Variants in EPB41L2 observed in about 807,000 individuals in gnomAD.
EPB41L2 encodes the protein band 4.1-like protein 2.
Under a neutral mutation model 113.0 loss-of-function variants are expected in EPB41L2, and 43 were observed. The ratio of observed to expected loss-of-function variants is 0.38; its 90% confidence interval spans 0.30 to 0.49. The LOEUF (loss-of-function observed/expected upper bound fraction) is 0.49. EPB41L2 is among the 20% of genes least tolerant of loss of function. The pLI is 0.95. For synonymous variants in EPB41L2, 442 were observed against 436.7 expected, an observed-to-expected ratio of 1.01 and a Z score of -0.15; for missense variants, 1,147 against 1,223.4, an observed-to-expected ratio of 0.94 and a Z score of 0.93.
intron 17 of EPB41L2, 60 bp from the exon 18 acceptor site, chr6:130,863,778 C>A: frequency 1.8e-6 from 2 of 1,137,536 alleles, no homozygotes; most frequent in South Asian, 2.6e-5. Context: ...TTTACACAGT[C>A]AGAGCAAACA....
At chr6:130,938,587 G>A (rs768778782) in intron 3 of EPB41L2, among the ~76,000 whole-genome samples, 7 of 152,094 alleles carry the variant, frequency 4.6e-5, no homozygotes, top group East Asian at 1.9e-4. Flanking sequence ...GCCCTGAACC[G>A]TGCCTTTCAA....
chr6:130,954,031 C>CTTTTTTTTTTTTTTTTTT, intron 3 of EPB41L2, among the ~76,000 whole-genome samples: 1 of 89,102 alleles, frequency 1.1e-5, no homozygotes, highest in African/African-American at 3.7e-5. Context: ...TTTGCTAGTC[C>CTTTTTTTTTTTTTTTTTT]TTTTCTTTCT....
chr6:130,925,797 A>C (rs1483988680), intron 4 of EPB41L2, among the ~76,000 whole-genome samples: 1 of 152,200 alleles, frequency 6.6e-6, no homozygotes, highest in Non-Finnish European at 1.5e-5. Context: ...ACAGTACTCT[A>C]AACAGAGTTC....
chr6:130,897,662 T>C (rs1016257086), intron 8 of EPB41L2, among the ~76,000 whole-genome samples: 76 of 152,190 alleles, frequency 5.0e-4, no homozygotes, highest in African/African-American at 1.8e-3. Flanking sequence ...AAACATATTT[T>C]TTCCTTCCTC....
chr6:130,976,434 T>C (rs1329503926), intron 1 of EPB41L2, among the ~76,000 whole-genome samples: 2 of 152,246 alleles, frequency 1.3e-5, no homozygotes, highest in East Asian at 3.9e-4. Context: ...GTTAGACTCA[T>C]ATGTTCAATT....
At chr6:131,039,730 G>A (rs1794067152) in intron 1 of EPB41L2, among the ~76,000 whole-genome samples, 1 of 152,104 alleles carries the variant, frequency 6.6e-6, no homozygotes, top group Admixed American at 6.5e-5. Context: ...TGAAGAGGAT[G>A]GCCAAAGTTG....
intron 3 of EPB41L2, among the ~76,000 whole-genome samples, chr6:130,946,875 G>A (rs902440686): frequency 6.6e-6 from 1 of 151,892 alleles, no homozygotes; most frequent in Non-Finnish European, 1.5e-5. Flanking sequence ...TTTAAAGGGG[G>A]TACTTTTGTT....
chr6:130,904,913 AC>A (rs1797278214), intron 5 of EPB41L2, among the ~76,000 whole-genome samples: 1 of 96,486 alleles, frequency 1.0e-5, no homozygotes, highest in Non-Finnish European at 2.0e-5. Context: ...AATATTCTCC[AC>A]CCTTTTTTTT....
intron 19 of EPB41L2, among the ~76,000 whole-genome samples, chr6:130,850,026 T>A (rs1253089928): frequency 6.6e-6 from 1 of 152,074 alleles, no homozygotes; most frequent in African/African-American, 2.4e-5. Flanking sequence ...CTGAGGTCAG[T>A]CAGGAGTTCG....
intron 19 of EPB41L2, among the ~76,000 whole-genome samples, chr6:130,856,180 AT>A (rs1413733996): frequency 1.3e-5 from 2 of 152,372 alleles, no homozygotes; most frequent in South Asian, 4.1e-4. Flanking sequence ...TACATAAAAA[AT>A]ATCTTTATCA....
chr6:130,965,644 C>CAA (rs35081059), intron 1 of EPB41L2, among the ~76,000 whole-genome samples: 2 of 127,884 alleles, frequency 1.6e-5, no homozygotes, highest in Admixed American at 1.5e-4. Flanking sequence ...AAACAGTTAT[C>CAA]AAAAAAAAAA....
intron 4 of EPB41L2, among the ~76,000 whole-genome samples, chr6:130,915,302 C>CA (rs1371902407): frequency 4.0e-5 from 6 of 151,156 alleles, no homozygotes; most frequent in Admixed American, 2.0e-4. Context: ...GACTCCGTCT[C>CA]AAAAAAAAAG....
intron 1 of EPB41L2, among the ~76,000 whole-genome samples, chr6:131,031,800 G>A (rs1474243629): frequency 2.0e-5 from 3 of 152,058 alleles, no homozygotes; most frequent in South Asian, 2.1e-4. Context: ...GGCATTTATC[G>A]ATGTACACAA....
chr6:130,907,889 A>T (rs891453113), intron 5 of EPB41L2, among the ~76,000 whole-genome samples: 3 of 152,190 alleles, frequency 2.0e-5, no homozygotes, highest in African/African-American at 7.2e-5. Flanking sequence ...GGCATCTTGC[A>T]TGCTGGCACC....
intron 19 of EPB41L2, among the ~76,000 whole-genome samples, chr6:130,844,444 C>A (rs991875985): frequency 2.6e-5 from 4 of 151,854 alleles, no homozygotes; most frequent in East Asian, 1.9e-4. Flanking sequence ...TGGTGGTGGG[C>A]GCCTGTAGTC....
chr6:130,937,845 A>G (rs1809411297), intron 3 of EPB41L2, among the ~76,000 whole-genome samples: 1 of 148,746 alleles, frequency 6.7e-6, no homozygotes. Context: ...AGATTAACAC[A>G]GCCTGCTAAA....
At chr6:131,022,074 C>A (rs944677348) in intron 1 of EPB41L2, among the ~76,000 whole-genome samples, 1 of 151,910 alleles carries the variant, frequency 6.6e-6, no homozygotes, top group African/African-American at 2.4e-5. Flanking sequence ...TCAGTGGGAC[C>A]CCTGGACTTG....
At chr6:130,966,141 T>C (rs574372688) in intron 1 of EPB41L2, among the ~76,000 whole-genome samples, 2 of 152,318 alleles carry the variant, frequency 1.3e-5, no homozygotes, top group South Asian at 4.1e-4. Flanking sequence ...GGCCACAGGT[T>C]GGACAAGCTT....
At chr6:130,954,525 A>G (rs552319207) in intron 3 of EPB41L2, among the ~76,000 whole-genome samples, 1 of 152,360 alleles carries the variant, frequency 6.6e-6, no homozygotes, top group Non-Finnish European at 1.5e-5. Flanking sequence ...GTTCTTCAGC[A>G]AACATTAGCT....
Sources: allele counts gnomAD v4.1 joint callset (sites outside exome capture counted in the v4.1 genomes callset), GRCh38; gene constraint gnomAD v4.1.1; transcripts MANE v1.5; gene names NCBI Gene and HGNC (gene_info 2026-07-23, HGNC 2026-07-21).